The following XXYLT1 variants were observed in gnomAD, a reference collection of about 807,000 sequenced individuals.
The protein encoded by XXYLT1 is UDP-xylose:alpha-xyloside alpha-1,3-xylosyltransferase.
In XXYLT1, 20 loss-of-function variants were observed where a neutral mutation model predicts 28.9. The observed-to-expected ratio is 0.69, with a 90% CI of 0.49 to 1.00. XXYLT1 has a LOEUF of 1.00. Ranked by LOEUF, XXYLT1 falls within the 50% of genes least tolerant of loss-of-function variation. The pLI, the probability that XXYLT1 is intolerant of heterozygous loss-of-function variation, is 0.00. For synonymous variants in XXYLT1, 257 were observed against 253.8 expected (o/e 1.01, Z -0.12); for missense variants, 542 against 560.1 (o/e 0.97, Z 0.33).
At chr3:195,141,055 G>A (rs1272427547) in intron 3 of XXYLT1, among the ~76,000 whole-genome samples, 1 of 152,160 alleles carries the variant, frequency 6.6e-6, no homozygotes, top group Non-Finnish European at 1.5e-5. Flanking sequence ...TGCAAACCAG[G>A]AAGTAGGCCC....
chr3:195,242,264 AAG>A (rs1047722045), intron 1 of XXYLT1, among the ~76,000 whole-genome samples: 46 of 152,044 alleles, frequency 3.0e-4, no homozygotes, highest in Admixed American at 1.1e-3. Context: ...CCCTCACCCA[AAG>A]AGAGAGATTT....
At chr3:195,228,007 G>A (rs1386946563) in intron 1 of XXYLT1, among the ~76,000 whole-genome samples, 2 of 152,178 alleles carry the variant, frequency 1.3e-5, no homozygotes, top group Non-Finnish European at 2.9e-5. Context: ...TGCCCCCACA[G>A]GATCTAGATC....
At position 195,168,598 on chromosome 3, in the gene XXYLT1, C is replaced by T. The variant is rs1721245494; in HGVS notation, c.653-12017G>A. ...AGGCCCTGCTGAGAGAGGGCCCTGC[C>T]TATGAAGGAGAACCAGAGACTGGGA... On this transcript the variant is annotated intron_variant, in intron 2 of 3. Coordinates refer to ENST00000310380, the MANE Select transcript of XXYLT1 (RefSeq NM_152531.5). The surrounding 1 kb of genome is among the most constrained non-coding windows in gnomAD (Gnocchi z 4.3). Among the ~76,000 whole-genome samples, 1 of 152,196 alleles carries T rather than the reference C, an allele frequency of 6.6e-6. No homozygotes were observed. The highest frequency in any genetic ancestry group is 2.4e-5 in the African/African-American group (1 of 41,458).
chr3:195,092,211 G>A (rs1477377850), intron 3 of XXYLT1, among the ~76,000 whole-genome samples: 49 of 139,774 alleles, frequency 3.5e-4, no homozygotes, highest in African/African-American at 1.2e-3. Context: ...AAAAGAGCCC[G>A]CATCGCCAAG....
chr3:195,245,321 C>T (rs941770476), intron 1 of XXYLT1, among the ~76,000 whole-genome samples: 2 of 151,632 alleles, frequency 1.3e-5, no homozygotes, highest in African/African-American at 4.8e-5. Flanking sequence ...CCACCACGCC[C>T]AGCTAGTTTT....
At chr3:195,110,121 GGT>G (rs145838451) in intron 3 of XXYLT1, among the ~76,000 whole-genome samples, 9,980 of 54,710 alleles carry the variant, frequency 0.18, 3,378 homozygotes, top group African/African-American at 0.25. Context: ...GTGCATGTGT[GGT>G]GTGTGTGTGT....
chr3:195,124,973 T>C lies in XXYLT1; in HGVS notation c.785+31476A>G, dbSNP rs1718543298. On this transcript the variant is annotated intron_variant, in intron 3 of 3. Coordinates refer to ENST00000310380, the MANE Select transcript of XXYLT1 (RefSeq NM_152531.5). This position sits in a 1 kb window ranked among gnomAD's most constrained non-coding sequence, Gnocchi z 4.1. Reference sequence around the variant, plus strand: ...AAAAGAGCAGTACGAATAAATGGCATCTCAGCTTCTTTCAAGCTAACCCAT... The same window carrying C: ...AAAAGAGCAGTACGAATAAATGGCACCTCAGCTTCTTTCAAGCTAACCCAT... Among the ~76,000 whole-genome samples, 1 of 152,232 alleles carries C rather than the reference T, an allele frequency of 6.6e-6. No homozygotes were observed. The highest frequency in any genetic ancestry group is 2.1e-4 in the South Asian group (1 of 4,834).
chr3:195,228,660 T>C (rs1366036698), intron 1 of XXYLT1, among the ~76,000 whole-genome samples: 1 of 150,782 alleles, frequency 6.6e-6, no homozygotes, highest in East Asian at 1.9e-4. Flanking sequence ...AGCTAATTTT[T>C]TGTATTTTTA....
chr3:195,258,738 A>G (rs934487437), intron 1 of XXYLT1, among the ~76,000 whole-genome samples: 5 of 152,236 alleles, frequency 3.3e-5, no homozygotes, highest in African/African-American at 1.2e-4. Context: ...GCCCCTGAAC[A>G]TCAAATAAGG....
intron 3 of XXYLT1, among the ~76,000 whole-genome samples, chr3:195,122,736 A>G (rs1477975050): frequency 6.6e-6 from 1 of 152,218 alleles, no homozygotes; most frequent in African/African-American, 2.4e-5. Context: ...GGCACGTAAC[A>G]AACTCCCCTC....
intron 3 of XXYLT1, among the ~76,000 whole-genome samples, chr3:195,134,946 G>A (rs3892194): frequency 0.31 from 47,260 of 151,862 alleles, 8,283 homozygotes; most frequent in East Asian, 0.68. Context: ...GAGCTTTTCT[G>A]TAAATCTGAG....
At chr3:195,259,274 GCTTTCTGT>G (rs974919142) in intron 1 of XXYLT1, among the ~76,000 whole-genome samples, 5 of 152,250 alleles carry the variant, frequency 3.3e-5, no homozygotes, top group African/African-American at 1.2e-4. Flanking sequence ...TTAACAGCAG[GCTTTCTGT>G]CAGCTGATGA....
At chr3:195,112,577 ACGCACG>A (rs1717812021) in intron 3 of XXYLT1, among the ~76,000 whole-genome samples, 1 of 145,846 alleles carries the variant, frequency 6.9e-6, no homozygotes, top group Non-Finnish European at 1.5e-5. Flanking sequence ...GTGCACACAC[ACGCACG>A]CACACACACA....
intron 3 of XXYLT1, among the ~76,000 whole-genome samples, chr3:195,142,182 C>T (rs1026120969): frequency 6.6e-6 from 1 of 152,244 alleles, no homozygotes; most frequent in African/African-American, 2.4e-5. Flanking sequence ...GCTGGTGTCT[C>T]CCGAGGCCTG....
intron 3 of XXYLT1, among the ~76,000 whole-genome samples, chr3:195,119,320 T>C (rs972791296): frequency 6.8e-6 from 1 of 147,500 alleles, no homozygotes; most frequent in African/African-American, 2.5e-5. Context: ...ATAACATATA[T>C]AGTGAAGCTG....
intron 3 of XXYLT1, among the ~76,000 whole-genome samples, chr3:195,117,124 C>T (rs868676248): frequency 0.028 from 4,224 of 149,808 alleles, 179 homozygotes; most frequent in African/African-American, 0.1. Context: ...TACACACACA[C>T]ACACACACAC....
intron 1 of XXYLT1, among the ~76,000 whole-genome samples, chr3:195,237,375 C>T (rs748310271): frequency 1.8e-4 from 27 of 152,148 alleles, no homozygotes; most frequent in Non-Finnish European, 4.0e-4. Context: ...ACAACTGCTG[C>T]ACTCTCCTTT....
intron 3 of XXYLT1, chr3:195,134,548 T>C (rs1719068805): frequency 6.4e-6 from 1 of 155,844 alleles, no homozygotes; most frequent in African/African-American, 2.4e-5. Flanking sequence ...CCCTATACCA[T>C]ACACCCCATT....
chr3:195,185,418 A>G (rs1722153517), intron 2 of XXYLT1, among the ~76,000 whole-genome samples: 1 of 151,892 alleles, frequency 6.6e-6, no homozygotes, highest in Non-Finnish European at 1.5e-5. Flanking sequence ...ATGAGGACAG[A>G]GAGACTTCAG....
Sources: allele counts gnomAD v4.1 joint callset (sites outside exome capture counted in the v4.1 genomes callset), GRCh38; gene constraint gnomAD v4.1.1; non-coding constraint Gnocchi (gnomAD v3.1); transcripts MANE v1.5; gene names NCBI Gene and HGNC (gene_info 2026-07-23, HGNC 2026-07-21).